Variants in HAP1 observed in about 807,000 individuals in gnomAD.
The protein encoded by HAP1 is huntingtin-associated protein 1.
A neutral mutation model predicts 60.3 loss-of-function variants in HAP1; 59 were observed. The observed-to-expected ratio is 0.98, with a 90% CI of 0.79 to 1.22. The LOEUF is 1.22. HAP1 is among the 50% of genes most tolerant of loss of function. HAP1 has a pLI of 0.00. For synonymous variants in HAP1, 346 were observed against 330.6 expected (o/e 1.05, Z -0.50); for missense variants, 825 against 785.3 (o/e 1.05, Z -0.60).
intron 10 of HAP1, 28 bp downstream of exon 10, chr17:41,725,831 G>T (rs782082647): frequency 1.3e-6 from 2 of 1,593,386 alleles, no homozygotes; most frequent in Non-Finnish European, 1.7e-6. Flanking sequence ...CTGAGGGCAG[G>T]TTGTAGGGGA....
intron 1 of HAP1, 46 bp from the exon 2 acceptor site, chr17:41,732,844 A>C (rs782615438): frequency 9.3e-7 from 1 of 1,075,510 alleles, no homozygotes; most frequent in Non-Finnish European, 1.4e-6. Context: ...CCAGGTCAGG[A>C]AAAAGGAGCA....
At chr17:41,719,119 T>C (rs375978393), downstream of HAP1, among the ~76,000 whole-genome samples, 6 of 152,134 alleles carry the variant, frequency 3.9e-5, no homozygotes, top group South Asian at 8.3e-4. Context: ...GCTGGGATTA[T>C]AGGCAGGCAC....
Position 41,724,675 on chromosome 17 carries a change from T to C in HAP1, c.*26A>G, listed in dbSNP as rs1911458996. On this transcript the variant is annotated 3_prime_UTR_variant, in exon 11 of 11. Transcript: ENST00000347901. ...GAGCCAGGCTGGGGCAGGTGAGCAC[T>C]CGGGGAGCTTATCCACCCTCTCTTT... 6.4e-7 allele frequency: 1 copy of C among 1,550,786 alleles called. No homozygotes were observed. Among genetic ancestry groups the C allele is most frequent in the South Asian group, 1.2e-5 (1 of 83,538 alleles).
At chr17:41,731,770 G>A in intron 4 of HAP1, 27 bp from the exon 5 acceptor site, 10 of 1,544,464 alleles carry the variant, frequency 6.5e-6, no homozygotes, top group Non-Finnish European at 8.9e-6. Context: ...TGGGAGTCAG[G>A]GTGCAGGGAG....
downstream of HAP1, chr17:41,721,833 G>A (rs543330086): frequency 6.6e-6 from 1 of 151,436 alleles, no homozygotes; most frequent in Non-Finnish European, 1.5e-5. Context: ...GCCTCCCAAA[G>A]TGCTGGGATT....
chr17:41,734,598 T>TC lies in HAP1; in HGVS notation c.36dup (p.Ser13GlufsTer134), dbSNP rs782133563. Reference sequence around the variant, plus strand: ...GCTGGGTCCCCGGGTCCGAGCCGGCTCCCCGCGCAGCACCGGCCCAACCTC... The same window carrying TC: ...GCTGGGTCCCCGGGTCCGAGCCGGCTCCCCCGCGCAGCACCGGCCCAACCTC... On this transcript the variant is annotated frameshift_variant, in exon 1 of 11. Coordinates refer to ENST00000347901, the MANE Select transcript of HAP1 (RefSeq NM_177977.3). LOFTEE classifies it high-confidence loss of function. The TC allele has an allele frequency of 6.4e-6, 10 of 1,571,876 alleles. No homozygotes were observed. Among genetic ancestry groups the TC allele is most frequent in the Non-Finnish European group, 7.8e-6 (9 of 1,160,384 alleles).
At chr17:41,718,059 A>G (rs748308348), downstream of HAP1, 1 of 459,918 alleles carries the variant, frequency 2.2e-6, no homozygotes, top group African/African-American at 2.0e-5. Flanking sequence ...AGAGAAAAGC[A>G]AACAAGTTTA....
chr17:41,733,037 G>GTT lies in HAP1; in HGVS notation c.470-240_470-239insAA, dbSNP rs1567786140. Among the ~76,000 whole-genome samples, 22 of 33,264 alleles carry GTT rather than the reference G, an allele frequency of 6.6e-4. 1 individual carries two copies. The highest frequency in any genetic ancestry group is 2.6e-3 in the Admixed American group (8 of 3,036). The allele number at this position is 33,264 out of a possible 152,430, so 21.8% of individuals were successfully genotyped here. ...GTTTTTAGGTTTTTGGGTTTTTTTT[G>GTT]GTTTTTTTTTTTTTTGGTTTTTTTT... On this transcript the variant is annotated intron_variant, in intron 1 of 10. Coordinates refer to ENST00000347901, the MANE Select transcript of HAP1 (RefSeq NM_177977.3).
intron 1 of HAP1, 146 bp from the exon 2 acceptor site, chr17:41,732,944 C>A: frequency 1.6e-6 from 1 of 642,840 alleles, no homozygotes; most frequent in East Asian, 2.7e-5. Flanking sequence ...CCTCCTGCCC[C>A]CCACATCCTC....
chr17:41,728,445 G>A, intron 6 of HAP1, 114 bp from the exon 7 acceptor site: 3 of 862,616 alleles, frequency 3.5e-6, no homozygotes, highest in Admixed American at 2.5e-5. Context: ...TGTGCCAGTG[G>A]GTCCTGCAGG....
chr17:41,725,179 T>C (rs1911533738), intron 10 of HAP1, 25 bp from the exon 11 acceptor site: 1 of 1,542,672 alleles, frequency 6.5e-7, no homozygotes, highest in Non-Finnish European at 8.7e-7. Flanking sequence ...GCGACATCTT[T>C]TGAGGGGCTG....
At chr17:41,718,070 T>G (rs781858398), downstream of HAP1, 1 of 457,716 alleles carries the variant, frequency 2.2e-6, no homozygotes, top group South Asian at 1.6e-5. Flanking sequence ...AACAAGTTTA[T>G]TAACATGTGT....
At chr17:41,725,772 T>A (rs1361859343) in intron 10 of HAP1, 87 bp downstream of exon 10, 2 of 962,976 alleles carry the variant, frequency 2.1e-6, no homozygotes, top group African/African-American at 3.2e-5. Flanking sequence ...TTCTCCGGAG[T>A]TGCAGGGTGG....
chr17:41,728,171 A>C, intron 7 of HAP1, 30 bp downstream of exon 7: 2 of 1,605,036 alleles, frequency 1.2e-6, no homozygotes, highest in Non-Finnish European at 1.7e-6. Flanking sequence ...TGGGGCCACG[A>C]CAAGAGGGTT....
chr17:41,730,021 A>C (rs199632613), intron 6 of HAP1: 1 of 30,156 alleles, frequency 3.3e-5, no homozygotes, highest in African/African-American at 1.6e-4. Flanking sequence ...CTCAAAAAAA[A>C]AAAGAAAGAA....
At position 41,732,555 on chromosome 17, in the gene HAP1, G is replaced by C; in HGVS notation, c.550-161C>G. The C allele has an allele frequency of 5.1e-6, 5 of 985,584 alleles. No homozygotes were observed. The South Asian group carries it at 7.4e-5, about 14-fold the overall frequency. The allele number at this position is 985,584 out of a possible 1,614,324, so 61.1% of individuals were successfully genotyped here. A position where few individuals can be genotyped will look rare whatever the true frequency, so the allele number is the denominator to read the frequency against. ...AAGAAGATCAGACCAGATTGGCTCT[G>C]AGAGCTCTTCCAGCCTGAACATCCC... On this transcript the variant is annotated intron_variant, in intron 2 of 10. Coordinates refer to ENST00000347901, the MANE Select transcript of HAP1 (RefSeq NM_177977.3).
intron 9 of HAP1, among the ~76,000 whole-genome samples, chr17:41,726,645 C>T (rs1911655610): frequency 6.6e-6 from 1 of 151,762 alleles, no homozygotes; most frequent in Non-Finnish European, 1.5e-5. Context: ...GGCAGATCAC[C>T]TGAGGTCAGG....
In HAP1 at chr17:41,723,984, G is replaced by GTGCATCAC. The variant is rs1911400262; in HGVS notation, c.*716_*717insGTGATGCA. 3 of 152,360 alleles carry GTGCATCAC rather than the reference G, an allele frequency of 2.0e-5. No homozygotes were observed. Among genetic ancestry groups the GTGCATCAC allele is most frequent in the African/African-American group, 7.2e-5 (3 of 41,442 alleles). 9.4% of individuals were successfully genotyped at this position (152,360 alleles called of 1,614,324 possible). A position where few individuals can be genotyped will look rare whatever the true frequency, so the allele number is the denominator to read the frequency against. On this transcript the variant is annotated 3_prime_UTR_variant, in exon 11 of 11. Transcript: ENST00000347901. ...CACCTGCCACGGAATGAGGCTGATG[G>GTGCATCAC]GAGCTGATGCACGTGCAATGGCTGC...
intron 6 of HAP1, among the ~76,000 whole-genome samples, chr17:41,729,578 A>G: frequency 7.6e-6 from 1 of 131,026 alleles, no homozygotes; most frequent in Non-Finnish European, 1.6e-5. Flanking sequence ...AAAAAAAAAA[A>G]AGGAAATGCG....
Sources: allele counts gnomAD v4.1 joint callset (sites outside exome capture counted in the v4.1 genomes callset), GRCh38; gene constraint gnomAD v4.1.1; transcripts MANE v1.5; gene names NCBI Gene and HGNC (gene_info 2026-07-23, HGNC 2026-07-21).